Variants in KLHDC4 observed in about 807,000 individuals in gnomAD.
KLHDC4 encodes kelch domain containing 4.
In KLHDC4, 90 loss-of-function variants were observed where a neutral mutation model predicts 62.4. The ratio of observed to expected loss-of-function variants is 1.44; its 90% CI spans 1.22 to 1.72. The LOEUF (loss-of-function observed/expected upper bound fraction) is 1.72. KLHDC4 is among the 40% of genes most tolerant of loss of function. KLHDC4 has a pLI of 0.00. For synonymous variants in KLHDC4, 386 were observed against 284.4 expected, an observed-to-expected ratio of 1.36 and a Z score of -3.59; for missense variants, 1,025 against 699.7, an observed-to-expected ratio of 1.47 and a Z score of -5.25.
chr16:87,722,699 T>A (rs4843262), intron 7 of KLHDC4, among the ~76,000 whole-genome samples: 8,738 of 152,282 alleles, frequency 0.057, 329 homozygotes, highest in East Asian at 0.16. Context: ...GGGGCCGCCC[T>A]GCTGAGACGA....
chr16:87,703,488 G>GA (rs986125474), downstream of KLHDC4: 1 of 152,366 alleles, frequency 6.6e-6, no homozygotes, highest in African/African-American at 2.4e-5. Context: ...TGCCCTCCGG[G>GA]AGTGCACAGG....
chr16:87,711,180 G>C, intron 9 of KLHDC4, 55 bp downstream of exon 9: 1 of 1,581,816 alleles, frequency 6.3e-7, no homozygotes, highest in African/African-American at 1.3e-5. Context: ...AGTGGTGGCA[G>C]GGACCCAAGT....
intron 7 of KLHDC4, among the ~76,000 whole-genome samples, chr16:87,718,459 C>A (rs914934878): frequency 1.3e-5 from 2 of 151,238 alleles, no homozygotes; most frequent in Admixed American, 6.6e-5. Context: ...CGGCTCACTG[C>A]AACCTCCCTG....
intron 6 of KLHDC4, among the ~76,000 whole-genome samples, chr16:87,728,115 A>T (rs1199777049): frequency 6.6e-6 from 1 of 152,172 alleles, no homozygotes; most frequent in African/African-American, 2.4e-5. Flanking sequence ...TGAACCTACG[A>T]GGTGGAGGCT....
chr16:87,718,681 C>T (rs1238560063), intron 7 of KLHDC4, among the ~76,000 whole-genome samples: 7 of 151,494 alleles, frequency 4.6e-5, no homozygotes, highest in South Asian at 2.1e-4. Context: ...TCTGCCTGGC[C>T]GCCCATCGTC....
intron 5 of KLHDC4, among the ~76,000 whole-genome samples, chr16:87,735,474 G>C (rs1366954168): frequency 6.6e-6 from 1 of 152,212 alleles, no homozygotes; most frequent in African/African-American, 2.4e-5. Flanking sequence ...TGCCCTAACT[G>C]CGCTGGGGCG....
chr16:87,752,884 G>A (rs552450584), intron 4 of KLHDC4, among the ~76,000 whole-genome samples: 25 of 152,290 alleles, frequency 1.6e-4, no homozygotes, highest in African/African-American at 5.5e-4. Context: ...CGTTAGCTCC[G>A]CACCATCAAC....
chr16:87,760,831 A>G (rs1329357850), intron 2 of KLHDC4, among the ~76,000 whole-genome samples: 1 of 152,028 alleles, frequency 6.6e-6, no homozygotes, highest in African/African-American at 2.4e-5. Flanking sequence ...TCAGGAGTTC[A>G]CGACCAGCCA....
rs746102907 is a variant in KLHDC4 at position 87,709,302 on chromosome 16, C to G, written c.1410G>C (p.Arg470Ser). The G allele has an allele frequency of 1.2e-6, 2 of 1,613,166 alleles. No individual in the cohort carries two copies. The highest frequency in any genetic ancestry group is 1.7e-6 in the Non-Finnish European group (2 of 1,179,940). Residue 470 changes from arginine (R) to serine (S), a missense_variant, in exon 10 of 12, where the codon AGG becomes AGC. Coordinates refer to ENST00000270583, the MANE Select transcript of KLHDC4 (RefSeq NM_017566.4). ...LSDLHCLDLHRMEAWKALVEM... is the reference protein window; with the variant it reads ...LSDLHCLDLHSMEAWKALVEM... ...CCACCAAGGCCTTCCACGCCTCCAT[C>G]CTGTGCAGGTCCAGGCAGTGCAGGT...
At chr16:87,760,677 G>A (rs916157278) in intron 2 of KLHDC4, among the ~76,000 whole-genome samples, 2 of 150,618 alleles carry the variant, frequency 1.3e-5, no homozygotes, top group Admixed American at 6.6e-5. Context: ...GCTTTCCTCA[G>A]GAGTGCTATA....
chr16:87,739,836 G>T (rs947252589), intron 5 of KLHDC4: 3 of 152,302 alleles, frequency 2.0e-5, no homozygotes, highest in African/African-American at 7.2e-5. Context: ...ACCGGGGACG[G>T]TGGGGTGTCT....
At chr16:87,709,198 G>A (rs1319869230) in intron 10 of KLHDC4, 67 bp downstream of exon 10, 12 of 1,540,746 alleles carry the variant, frequency 7.8e-6, no homozygotes, top group Admixed American at 1.8e-5. Flanking sequence ...GCTTGCTTTC[G>A]AGGGACGCGA....
chr16:87,733,710 C>T (rs905279848), intron 5 of KLHDC4, among the ~76,000 whole-genome samples: 5 of 136,540 alleles, frequency 3.7e-5, no homozygotes, highest in Admixed American at 3.6e-4. Flanking sequence ...ACTTAGGAAT[C>T]CACTCCCTGG....
intron 5 of KLHDC4, among the ~76,000 whole-genome samples, chr16:87,741,252 C>T (rs2042195879): frequency 6.6e-6 from 1 of 152,198 alleles, no homozygotes; most frequent in South Asian, 2.1e-4. Flanking sequence ...CAACACATAG[C>T]AGAAGGCAGC....
At chr16:87,729,157 C>G (rs184907099) in intron 6 of KLHDC4, among the ~76,000 whole-genome samples, 2 of 152,262 alleles carry the variant, frequency 1.3e-5, no homozygotes, top group Admixed American at 6.5e-5. Flanking sequence ...CCTTTTCCCC[C>G]CGAATTCACA....
At chr16:87,751,214 G>A (rs1267608412) in intron 4 of KLHDC4, among the ~76,000 whole-genome samples, 4 of 152,214 alleles carry the variant, frequency 2.6e-5, no homozygotes, top group Non-Finnish European at 4.4e-5. Flanking sequence ...GGTGGCTCAC[G>A]CCTCTAATTC....
In KLHDC4 at chr16:87,761,900, T is replaced by C. The variant is rs80073767; in HGVS notation, c.191+49A>G. ...GGTGCTATTTAAAGCAGTTTTTCAA[T>C]GTATAGAAGAAAAGGAAACATACAA... On this transcript the variant is annotated intron_variant, in intron 2 of 11. Transcript: ENST00000270583. 3.4e-4 allele frequency: 528 copies of C among 1,568,566 alleles called. 1 individual carries two copies. In the African/African-American group the frequency reaches 6.6e-3, roughly 20 times the overall value.
chr16:87,717,690 G>C (rs529278628), intron 7 of KLHDC4, among the ~76,000 whole-genome samples: 1 of 149,594 alleles, frequency 6.7e-6, no homozygotes. Context: ...AAACCTAAGG[G>C]CCTAGCATTA....
At chr16:87,725,179 G>T (rs75833220) in intron 7 of KLHDC4, among the ~76,000 whole-genome samples, 2,355 of 152,284 alleles carry the variant, frequency 0.015, 28 homozygotes, top group Non-Finnish European at 0.025. Context: ...GCGGAGGGGA[G>T]GGTGGGCAGC....
Sources: gnomAD v4.1 joint callset for allele counts (sites outside exome capture counted in the v4.1 genomes callset) on GRCh38, gnomAD v4.1.1 for gene constraint, MANE v1.5 for transcripts, NCBI Gene and HGNC (gene_info 2026-07-23, HGNC 2026-07-21) for gene names.